The following GPR137B variants were observed in gnomAD, a reference collection of about 807,000 sequenced individuals.
GPR137B encodes integral membrane protein GPR137B.
A neutral mutation model predicts 42.5 loss-of-function variants in GPR137B; 42 were observed. That is an observed-to-expected ratio of 0.99 (90% CI 0.77 to 1.28). The LOEUF (loss-of-function observed/expected upper bound fraction) is 1.28. Ranked by LOEUF, GPR137B falls within the 50% of genes most tolerant of loss-of-function variation. GPR137B has a pLI of 0.00. For missense variants in GPR137B, 487 were observed against 493.9 expected, an observed-to-expected ratio of 0.99 and a Z score of 0.13; for synonymous variants, 218 against 209.7, an observed-to-expected ratio of 1.04 and a Z score of -0.34.
At position 236,178,399 on chromosome 1, in the gene GPR137B, T is replaced by G. The variant is rs769459394; in HGVS notation, c.465-15T>G. On this transcript the variant is annotated splice_polypyrimidine_tract_variant and intron_variant, in intron 2 of 6. Transcript: ENST00000366592. ...CTGGGATGTGCAGCTGACAAGTTGCTCTCATGCCTTCCAGGTTGCCCCTCT... is the reference window on the plus strand; with the variant it reads ...CTGGGATGTGCAGCTGACAAGTTGCGCTCATGCCTTCCAGGTTGCCCCTCT... The G allele has an allele frequency of 3.2e-6, 5 of 1,545,322 alleles. No individual in the cohort carries two copies. In the South Asian group the frequency reaches 3.3e-5, roughly 10 times the overall value.
At chr1:236,203,796 A>T (rs1663573042) in intron 5 of GPR137B, among the ~76,000 whole-genome samples, 1 of 151,924 alleles carries the variant, frequency 6.6e-6, no homozygotes, top group South Asian at 2.1e-4. Context: ...TTTCTTTTTC[A>T]GATTGTTCAC....
rs544204649 is a variant in GPR137B, at chr1:236,180,633, A to ATTT, written c.837+621_837+623dup. Among the ~76,000 whole-genome samples, 8 of 138,518 alleles carry ATTT rather than the reference A, an allele frequency of 5.8e-5. 1 individual carries two copies. The highest frequency in any genetic ancestry group is 7.8e-5 in the Non-Finnish European group (5 of 64,362). 90.9% of individuals were successfully genotyped at this position (138,518 alleles called of 152,430 possible). On this transcript the variant is annotated intron_variant, in intron 4 of 6. Transcript: ENST00000366592. ...TAGGGCTTTTATTAAGCAGTACTTA[A>ATTT]TTTTTTTTTTTTTTTTTTGAGACGG...
chr1:236,203,535 G>GT (rs1208944761), intron 5 of GPR137B, among the ~76,000 whole-genome samples: 4 of 152,116 alleles, frequency 2.6e-5, no homozygotes, highest in African/African-American at 7.2e-5. Flanking sequence ...TTTTAGGATT[G>GT]TTTTTTCTAT....
At chr1:236,207,027 GATGAA>G in intron 6 of GPR137B, 1 of 409,292 alleles carries the variant, frequency 2.4e-6, no homozygotes, top group South Asian at 1.0e-4. Context: ...TTCCCTCTGG[GATGAA>G]ATGATAAAAA....
intron 1 of GPR137B, among the ~76,000 whole-genome samples, chr1:236,160,957 A>T (rs1350419727): frequency 6.7e-6 from 1 of 149,786 alleles, no homozygotes; most frequent in African/African-American, 2.5e-5. Flanking sequence ...TATAATTCAC[A>T]TTTTCTGTGC....
chr1:236,158,373 G>C (rs913055820), intron 1 of GPR137B, among the ~76,000 whole-genome samples: 1 of 152,204 alleles, frequency 6.6e-6, no homozygotes, highest in Non-Finnish European at 1.5e-5. Context: ...GCAGTGAGCC[G>C]AGATGGCACC....
intron 3 of GPR137B, among the ~76,000 whole-genome samples, chr1:236,179,591 G>T (rs1307615962): frequency 6.6e-6 from 1 of 152,152 alleles, no homozygotes; most frequent in Non-Finnish European, 1.5e-5. Context: ...CAGAGATTTA[G>T]CAAAGCAGCC....
chr1:236,185,794 AC>A (rs755506285), intron 5 of GPR137B, among the ~76,000 whole-genome samples: 1 of 152,144 alleles, frequency 6.6e-6, no homozygotes, highest in Non-Finnish European at 1.5e-5. Context: ...TACATAATTC[AC>A]CCATTTCATG....
At chr1:236,183,432 G>C (rs1157061810) in intron 4 of GPR137B, among the ~76,000 whole-genome samples, 1 of 152,106 alleles carries the variant, frequency 6.6e-6, no homozygotes, top group East Asian at 1.9e-4. Flanking sequence ...TAAGAGTTTT[G>C]GGGGCATGAA....
At chr1:236,163,371 T>C (rs1404662920) in intron 1 of GPR137B, among the ~76,000 whole-genome samples, 3 of 152,162 alleles carry the variant, frequency 2.0e-5, no homozygotes, top group Non-Finnish European at 2.9e-5. Context: ...CTGTGGACTT[T>C]TGGGTTAATG....
chr1:236,183,515 A>G (rs1414152190), intron 4 of GPR137B, among the ~76,000 whole-genome samples: 2 of 152,206 alleles, frequency 1.3e-5, no homozygotes, highest in African/African-American at 2.4e-5. Context: ...TTTATCTCAT[A>G]TGGTTTAAAA....
intron 2 of GPR137B, among the ~76,000 whole-genome samples, chr1:236,169,669 T>C (rs1281885981): frequency 1.3e-5 from 2 of 152,012 alleles, no homozygotes; most frequent in Non-Finnish European, 2.9e-5. Context: ...TGCATTTTCC[T>C]ATGGAGGGGT....
At chr1:236,167,695 A>G (rs913598869) in intron 1 of GPR137B, among the ~76,000 whole-genome samples, 1 of 152,106 alleles carries the variant, frequency 6.6e-6, no homozygotes, top group Non-Finnish European at 1.5e-5. Flanking sequence ...CCAGGGATCC[A>G]TGTGCTCATG....
intron 2 of GPR137B, among the ~76,000 whole-genome samples, chr1:236,174,716 A>G (rs1662634572): frequency 6.6e-6 from 1 of 152,064 alleles, no homozygotes; most frequent in Non-Finnish European, 1.5e-5. Context: ...GTGCAGTGGC[A>G]TGCACTTGTA....
At chr1:236,197,863 G>C (rs995960497) in intron 5 of GPR137B, among the ~76,000 whole-genome samples, 1 of 152,118 alleles carries the variant, frequency 6.6e-6, no homozygotes, top group African/African-American at 2.4e-5. Flanking sequence ...TGGGATTACA[G>C]GCATCTACCG....
At position 236,155,838 on chromosome 1, in the gene GPR137B, T is replaced by C. The variant is rs1662007422; in HGVS notation, c.414+12802T>C. On this transcript the variant is annotated intron_variant, in intron 1 of 6. Coordinates refer to ENST00000366592, the MANE Select transcript of GPR137B (RefSeq NM_003272.4). The surrounding 1 kb of genome is among the most constrained non-coding windows in gnomAD (Gnocchi z 4.6). ...TTATCTATAAAGGTAAAGACTGTTATCCCATTATCACTTATGAAATGAGGA... is the reference window on the plus strand; with the variant it reads ...TTATCTATAAAGGTAAAGACTGTTACCCCATTATCACTTATGAAATGAGGA... Among the ~76,000 whole-genome samples the C allele has an allele frequency of 6.6e-6, 1 of 152,192 alleles. No individual in the cohort carries two copies. The highest frequency in any genetic ancestry group is 1.9e-4 in the East Asian group (1 of 5,198).
chr1:236,206,760 G>T (rs1483212695), intron 6 of GPR137B, among the ~76,000 whole-genome samples: 2 of 152,164 alleles, frequency 1.3e-5, no homozygotes, highest in African/African-American at 4.8e-5. Flanking sequence ...TCAGCCTGCT[G>T]TGCTCAGCCA....
At chr1:236,153,969 C>T (rs539989130) in intron 1 of GPR137B, among the ~76,000 whole-genome samples, 1 of 152,316 alleles carries the variant, frequency 6.6e-6, no homozygotes, top group South Asian at 2.1e-4. Context: ...TGGAAGTCGT[C>T]ACCTGTGACT....
chr1:236,190,545 A>G (rs1446765980), intron 5 of GPR137B, among the ~76,000 whole-genome samples: 1 of 152,204 alleles, frequency 6.6e-6, no homozygotes. Context: ...AAAGTCTCTC[A>G]GCATTTGCTT....
Sources: gnomAD v4.1 joint callset for allele counts (sites outside exome capture counted in the v4.1 genomes callset) on GRCh38, gnomAD v4.1.1 for gene constraint, Gnocchi (gnomAD v3.1) non-coding constraint, MANE v1.5 for transcripts, NCBI Gene and HGNC (gene_info 2026-07-23, HGNC 2026-07-21) for gene names.